USP43: variants seen among roughly 807,000 people sequenced by gnomAD.
USP43 encodes ubiquitin carboxyl-terminal hydrolase 43.
USP43 carries 33 observed loss-of-function variants against 90.7 expected under a neutral mutation model. The observed-to-expected ratio is 0.36, with a 90% CI of 0.28 to 0.49. The LOEUF (loss-of-function observed/expected upper bound fraction) is 0.49, where lower values mean the gene tolerates loss of function less well. Among genes scored for constraint, USP43 ranks in the 20% least tolerant of loss-of-function variants. The pLI, the probability that USP43 is intolerant of heterozygous loss-of-function variation, is 0.98. For missense variants in USP43, 1,274 were observed against 1,476.4 expected (o/e 0.86, Z 2.25); for synonymous variants, 598 against 615.8 (o/e 0.97, Z 0.43).
chr17:9,649,216 C>T (rs1032000586), intron 1 of USP43, among the ~76,000 whole-genome samples: 28 of 151,976 alleles, frequency 1.8e-4, no homozygotes, highest in African/African-American at 5.3e-4. Flanking sequence ...CTGAGACAGG[C>T]GAATTGCTTG....
Position 9,656,491 on chromosome 17 carries a change from A to C in USP43, c.593A>C (p.His198Pro), listed in dbSNP as rs989729538. ...EFLLWLLDRV[H>P]EDLEGSSRGP... ...CTGCTCTGGTTGCTGGATCGTGTAC[A>C]TGAGGACCTGGAGGGTTCATCCCGA... The change falls in exon 2 of 15, where the codon CAT becomes CCT. Residue 198 changes from histidine (H) to proline (P), a missense_variant. Physicochemically the swap from His to Pro is moderately conservative, Grantham distance 77 (BLOSUM62 -2). Coordinates refer to ENST00000285199, the MANE Select transcript of USP43 (RefSeq NM_153210.5). 2 of 1,610,954 alleles carry C rather than the reference A, an allele frequency of 1.2e-6. No individual in the cohort carries two copies. Among genetic ancestry groups the C allele is most frequent in the Non-Finnish European group, 8.5e-7 (1 of 1,178,726 alleles).
chr17:9,669,511 T>C (rs1913257470), intron 3 of USP43, among the ~76,000 whole-genome samples: 1 of 152,194 alleles, frequency 6.6e-6, no homozygotes, highest in South Asian at 2.1e-4. Context: ...CATGCCCTAC[T>C]GCGTGCTGGG....
At chr17:9,710,301 G>A (rs1429226083) in intron 13 of USP43, among the ~76,000 whole-genome samples, 187 bp downstream of exon 13, 1 of 152,082 alleles carries the variant, frequency 6.6e-6, no homozygotes, top group Admixed American at 6.6e-5. Context: ...TGGGATGGAT[G>A]GATTATAATT....
chr17:9,697,261 C>T (rs766694550), intron 9 of USP43, among the ~76,000 whole-genome samples: 1 of 151,886 alleles, frequency 6.6e-6, no homozygotes, highest in Non-Finnish European at 1.5e-5. Context: ...ATAAAAATTT[C>T]TTAAAGTTTT....
At position 9,645,709 on chromosome 17, in the gene USP43, G is replaced by A; in HGVS notation, c.77G>A (p.Arg26His). The A allele has an allele frequency of 2.3e-6, 3 of 1,331,168 alleles. No individual in the cohort carries two copies. Among genetic ancestry groups the A allele is most frequent in the Non-Finnish European group, 2.9e-6 (3 of 1,047,172 alleles). The allele number at this position is 1,331,168 out of a possible 1,614,324, so 82.5% of individuals were successfully genotyped here. Residue 26 changes from arginine to histidine, a missense_variant, in exon 1 of 15, where the codon CGC becomes CAC. Transcript: ENST00000285199. This position sits in a 1 kb window ranked among gnomAD's most constrained non-coding sequence, Gnocchi z 6.8. ...PRPRRRRSLR[R>H]LFSRFLLALG... Reference sequence around the variant, plus strand: ...CCCCGCCGCCGCCGCTCCCTGCGCCGCCTGTTCAGCCGCTTCCTGCTGGCG... The same window carrying A: ...CCCCGCCGCCGCCGCTCCCTGCGCCACCTGTTCAGCCGCTTCCTGCTGGCG...
At chr17:9,697,789 T>A (rs1915365566) in intron 9 of USP43, among the ~76,000 whole-genome samples, 1 of 152,132 alleles carries the variant, frequency 6.6e-6, no homozygotes, top group African/African-American at 2.4e-5. Context: ...ACTAGTGATG[T>A]GACAAACGTG....
At chr17:9,721,548 C>T (rs1205944726) in intron 14 of USP43, among the ~76,000 whole-genome samples, 1 of 152,060 alleles carries the variant, frequency 6.6e-6, no homozygotes, top group African/African-American at 2.4e-5. Context: ...TGTAAATGCT[C>T]TGTGCATGTA....
intron 2 of USP43, among the ~76,000 whole-genome samples, chr17:9,661,422 T>A (rs764115817): frequency 4.6e-5 from 7 of 152,092 alleles, no homozygotes; most frequent in Non-Finnish European, 1.0e-4. Flanking sequence ...AGTGGAGTGA[T>A]CATAGCTCAC....
intron 12 of USP43, among the ~76,000 whole-genome samples, chr17:9,702,332 A>G (rs942370815): frequency 2.6e-5 from 4 of 152,238 alleles, no homozygotes; most frequent in Non-Finnish European, 5.9e-5. Flanking sequence ...CCTGGGCAAC[A>G]GAGCGAGACC....
At chr17:9,664,437 C>T (rs1415589145) in intron 2 of USP43, among the ~76,000 whole-genome samples, 1 of 152,088 alleles carries the variant, frequency 6.6e-6, no homozygotes, top group Non-Finnish European at 1.5e-5. Flanking sequence ...CTAATGTCAC[C>T]CAGGTCTTTA....
chr17:9,709,715 CAAAAATAAAT>C lies in USP43; in HGVS notation c.2012-227_2012-218del, dbSNP rs1009269222. ...TGGGTGACAGAGCGAAACTCCGTCT[CAAAAATAAAT>C]AAAAATAAATAAATAAATAAAAATA... On this transcript the variant is annotated intron_variant, in intron 12 of 14. Transcript: ENST00000285199. This position sits in a 1 kb window ranked among gnomAD's most constrained non-coding sequence, Gnocchi z 5.0. Among the ~76,000 whole-genome samples, 3 of 151,612 alleles carry C rather than the reference CAAAAATAAAT, an allele frequency of 2.0e-5. No individual in the cohort carries two copies. Among genetic ancestry groups the C allele is most frequent in the African/African-American group, 7.3e-5 (3 of 41,228 alleles).
At chr17:9,680,150 G>C in intron 5 of USP43, 81 bp from the exon 6 acceptor site, 1 of 1,512,304 alleles carries the variant, frequency 6.6e-7, no homozygotes, top group Non-Finnish European at 9.0e-7. Context: ...AATGGGTGTT[G>C]ACTATCAGTC....
At chr17:9,663,461 C>T (rs1023560556) in intron 2 of USP43, among the ~76,000 whole-genome samples, 1 of 151,982 alleles carries the variant, frequency 6.6e-6, no homozygotes, top group Non-Finnish European at 1.5e-5. Flanking sequence ...CCATGCCTGG[C>T]TAATTTATGT....
At chr17:9,699,450 A>G (rs972849705) in intron 9 of USP43, among the ~76,000 whole-genome samples, 1 of 152,226 alleles carries the variant, frequency 6.6e-6, no homozygotes, top group Non-Finnish European at 1.5e-5. Context: ...AAAACCTTTT[A>G]TCAGATCATC....
In USP43 at chr17:9,659,586, T is replaced by A. The variant is rs1158896958; in HGVS notation, c.636+3052T>A. ...GCGTAGGAAAAGCCCTCTTATCCTG[T>A]TTTTTTTACTCTCTCCTCTCCCTGG... On this transcript the variant is annotated intron_variant, in intron 2 of 14. Coordinates refer to ENST00000285199, the MANE Select transcript of USP43 (RefSeq NM_153210.5). 2.7e-5 allele frequency among the ~76,000 whole-genome samples: 4 copies of A among 148,694 alleles called. No individual in the cohort carries two copies. The East Asian group carries it at 7.7e-4, about 29-fold the overall frequency.
In USP43 at chr17:9,701,787, T is replaced by A; in HGVS notation, c.2011+87T>A. The A allele has an allele frequency of 8.5e-7, 1 of 1,174,756 alleles. No individual in the cohort carries two copies. The highest frequency in any genetic ancestry group is 1.2e-6 in the Non-Finnish European group (1 of 855,688). The allele number at this position is 1,174,756 out of a possible 1,614,324, so 72.8% of individuals were successfully genotyped here. A position where few individuals can be genotyped will look rare whatever the true frequency, so the allele number is the denominator to read the frequency against. On this transcript the variant is annotated intron_variant, in intron 12 of 14. Transcript: ENST00000285199. This position sits in a 1 kb window ranked among gnomAD's most constrained non-coding sequence, Gnocchi z 7.2. Reference sequence around the variant, plus strand: ...AATGGGTGTTGCTCAGATGCTGAGCTCCCTGGGGCACTTATTGAGATCCGA... The same window carrying A: ...AATGGGTGTTGCTCAGATGCTGAGCACCCTGGGGCACTTATTGAGATCCGA...
intron 9 of USP43, among the ~76,000 whole-genome samples, chr17:9,698,266 A>G (rs1385488659): frequency 6.6e-6 from 1 of 152,206 alleles, no homozygotes; most frequent in Non-Finnish European, 1.5e-5. Context: ...ATTTTCTCCC[A>G]TCCTGTAGGC....
intron 14 of USP43, among the ~76,000 whole-genome samples, chr17:9,715,723 G>A (rs1158061803): frequency 1.1e-4 from 10 of 90,092 alleles, no homozygotes; most frequent in African/African-American, 5.5e-4. Context: ...GTGTGTGTAT[G>A]TGTGTGTGTG....
intron 2 of USP43, among the ~76,000 whole-genome samples, chr17:9,662,842 G>A (rs1349404076): frequency 1.4e-5 from 2 of 147,524 alleles, no homozygotes; most frequent in Non-Finnish European, 3.0e-5. Flanking sequence ...TTTTGAGGCA[G>A]AGTCTTGATC....
Sources: gnomAD v4.1 joint callset for allele counts (sites outside exome capture counted in the v4.1 genomes callset) on GRCh38, gnomAD v4.1.1 for gene constraint, Gnocchi (gnomAD v3.1) non-coding constraint, MANE v1.5 for transcripts, NCBI Gene and HGNC (gene_info 2026-07-23, HGNC 2026-07-21) for gene names.